SEZ6L: variants seen among roughly 807,000 people sequenced by gnomAD.
SEZ6L encodes the protein seizure related 6 homolog like.
SEZ6L carries 37 observed loss-of-function variants against 106.2 expected under a neutral mutation model. The ratio of observed to expected loss-of-function variants is 0.35; its 90% CI spans 0.27 to 0.46. The LOEUF (loss-of-function observed/expected upper bound fraction) is 0.46, where lower values mean the gene tolerates loss of function less well. Among genes scored for constraint, SEZ6L ranks in the 20% least tolerant of loss-of-function variants. The pLI is 1.00. For missense variants in SEZ6L, 1,172 were observed against 1,332.8 expected (o/e 0.88, Z 1.88); for synonymous variants, 541 against 570.4 (o/e 0.95, Z 0.73).
intron 9 of SEZ6L, among the ~76,000 whole-genome samples, chr22:26,319,330 CA>C (rs1340297218): frequency 6.6e-6 from 1 of 152,170 alleles, no homozygotes; most frequent in Non-Finnish European, 1.5e-5. Flanking sequence ...TCTTTTTAAC[CA>C]ACACTCAGTG....
At position 26,340,428 on chromosome 22, in the gene SEZ6L, C is replaced by T; in HGVS notation, c.2016-8C>T. On this transcript the variant is annotated splice_polypyrimidine_tract_variant and splice_region_variant and intron_variant, in intron 9 of 16. Transcript: ENST00000248933. ...TCACATGACTCTCCCTCTTCTCTGCCCTCCAAGCCTGAATCTGAGCAACAG... is the reference window on the plus strand; with the variant it reads ...TCACATGACTCTCCCTCTTCTCTGCTCTCCAAGCCTGAATCTGAGCAACAG... 3 of 1,603,108 alleles carry T rather than the reference C, an allele frequency of 1.9e-6. No homozygotes were observed. Among genetic ancestry groups the T allele is most frequent in the Non-Finnish European group, 2.6e-6 (3 of 1,174,836 alleles).
intron 9 of SEZ6L, among the ~76,000 whole-genome samples, chr22:26,327,021 G>A (rs975569037): frequency 3.9e-5 from 6 of 152,152 alleles, no homozygotes; most frequent in Admixed American, 1.3e-4. Flanking sequence ...GATTGGCCAC[G>A]CCAGGGCTTT....
chr22:26,307,436 TG>T (rs1451191754), intron 6 of SEZ6L, among the ~76,000 whole-genome samples: 1 of 151,150 alleles, frequency 6.6e-6, no homozygotes, highest in African/African-American at 2.4e-5. Flanking sequence ...GCTTCTTTGA[TG>T]GATCAAACCT....
chr22:26,276,157 T>C (rs1023295541), intron 1 of SEZ6L, among the ~76,000 whole-genome samples: 2 of 152,248 alleles, frequency 1.3e-5, no homozygotes. Context: ...TTCCCGCCTC[T>C]TAAATGAGAC....
At chr22:26,371,936 G>C (rs575450861) in intron 13 of SEZ6L, among the ~76,000 whole-genome samples, 2 of 152,146 alleles carry the variant, frequency 1.3e-5, no homozygotes, top group Non-Finnish European at 2.9e-5. Context: ...AAAAAAACTG[G>C]GATGCATGAC....
chr22:26,288,087 T>G (rs2080994356), intron 1 of SEZ6L, among the ~76,000 whole-genome samples: 1 of 152,194 alleles, frequency 6.6e-6, no homozygotes, highest in African/African-American at 2.4e-5. Context: ...TGCATTTCCT[T>G]CTGTTCTTTT....
chr22:26,330,235 T>C (rs954577671), intron 9 of SEZ6L, among the ~76,000 whole-genome samples: 3 of 152,228 alleles, frequency 2.0e-5, no homozygotes, highest in African/African-American at 7.2e-5. Flanking sequence ...CAACGACGTC[T>C]GTTTGGATTC....
At chr22:26,283,736 A>G (rs551298469) in intron 1 of SEZ6L, among the ~76,000 whole-genome samples, 3 of 152,366 alleles carry the variant, frequency 2.0e-5, no homozygotes, top group Admixed American at 6.5e-5. Context: ...ACAAGTGCAC[A>G]TAATAAACGA....
intron 9 of SEZ6L, among the ~76,000 whole-genome samples, chr22:26,330,428 C>A (rs1173452811): frequency 6.6e-6 from 1 of 152,168 alleles, no homozygotes; most frequent in African/African-American, 2.4e-5. Context: ...CTAGTTATTA[C>A]ATAGCTGTAA....
At chr22:26,237,755 C>T (rs559158910) in intron 1 of SEZ6L, among the ~76,000 whole-genome samples, 1 of 152,014 alleles carries the variant, frequency 6.6e-6, no homozygotes, top group African/African-American at 2.4e-5. Context: ...CTGCCACCCA[C>T]CCCACCCCAC....
chr22:26,252,391 C>T lies in SEZ6L; in HGVS notation c.95-40015C>T, dbSNP rs74340604. Among the ~76,000 whole-genome samples, 36 of 152,210 alleles carry T rather than the reference C, an allele frequency of 2.4e-4. 1 individual carries two copies. In the East Asian group the frequency reaches 6.6e-3, roughly 28 times the overall value. On this transcript the variant is annotated intron_variant, in intron 1 of 16. Coordinates refer to ENST00000248933, the MANE Select transcript of SEZ6L (RefSeq NM_021115.5). ...CCTCAGATGAAGTTCTCAAAATTGA[C>T]AAAGAAACATGTGTGTATATATATA...
At chr22:26,265,824 G>T (rs1427125745) in intron 1 of SEZ6L, among the ~76,000 whole-genome samples, 1 of 152,164 alleles carries the variant, frequency 6.6e-6, no homozygotes, top group African/African-American at 2.4e-5. Context: ...GAGCAGATAG[G>T]GAGGTGAGGA....
intron 9 of SEZ6L, among the ~76,000 whole-genome samples, chr22:26,330,027 C>T (rs941911542): frequency 1.3e-5 from 2 of 152,252 alleles, no homozygotes; most frequent in African/African-American, 2.4e-5. Flanking sequence ...TTAGGAAAGT[C>T]ACTTAATTCC....
At chr22:26,258,224 T>C (rs1298747102) in intron 1 of SEZ6L, among the ~76,000 whole-genome samples, 1 of 152,136 alleles carries the variant, frequency 6.6e-6, no homozygotes, top group Non-Finnish European at 1.5e-5. Context: ...TATCCATTCA[T>C]TCAACAGGTG....
intron 13 of SEZ6L, 21 bp from the exon 14 acceptor site, chr22:26,373,430 G>A: frequency 6.3e-7 from 1 of 1,599,578 alleles, no homozygotes; most frequent in South Asian, 1.1e-5. Flanking sequence ...ATTGACCAAT[G>A]CTTCCTGATT....
At chr22:26,356,645 TA>T (rs2083444310) in intron 12 of SEZ6L, among the ~76,000 whole-genome samples, 1 of 472 alleles carries the variant, frequency 2.1e-3, no homozygotes, top group Admixed American at 0.016. Flanking sequence ...CTGTCTCAAA[TA>T]ATAATAATAA....
chr22:26,265,724 T>C (rs1220289812), intron 1 of SEZ6L, among the ~76,000 whole-genome samples: 5 of 152,224 alleles, frequency 3.3e-5, no homozygotes, highest in Non-Finnish European at 7.3e-5. Context: ...GTTCTTCAAA[T>C]AGAATAAACC....
chr22:26,304,430 A>AAGAAAGAAAAAG (rs769423765), intron 5 of SEZ6L, among the ~76,000 whole-genome samples: 57 of 148,636 alleles, frequency 3.8e-4, no homozygotes, highest in African/African-American at 1.4e-3. Context: ...GAAAGAAAGA[A>AAGAAAGAAAAAG]AAAGAAAGGA....
Position 26,369,466 on chromosome 22 carries a change from G to T in SEZ6L, c.2794+3900G>T, listed in dbSNP as rs142177104. 6.2e-3 allele frequency among the ~76,000 whole-genome samples: 936 copies of T among 151,012 alleles called. 7 individuals are homozygous for T. The highest frequency in any genetic ancestry group is 0.022 in the African/African-American group (896 of 40,984). ...GCCATTTCTCCTGCCTCGGCCTCCCGAGTAGCTGGGACTACAGGCGCCCGC... is the reference window on the plus strand; with the variant it reads ...GCCATTTCTCCTGCCTCGGCCTCCCTAGTAGCTGGGACTACAGGCGCCCGC... On this transcript the variant is annotated intron_variant, in intron 13 of 16. Transcript: ENST00000248933.
Sources: allele counts gnomAD v4.1 joint callset (sites outside exome capture counted in the v4.1 genomes callset), GRCh38; gene constraint gnomAD v4.1.1; transcripts MANE v1.5; gene names NCBI Gene and HGNC (gene_info 2026-07-23, HGNC 2026-07-21).